Variants in RBM6 observed in about 807,000 individuals in gnomAD.
The protein encoded by RBM6 is RNA binding motif protein 6, also known as RNA-binding protein 6.
Under a neutral mutation model 140.4 loss-of-function variants are expected in RBM6, and 23 were observed. The ratio of observed to expected loss-of-function variants is 0.16; its 90% CI spans 0.12 to 0.23. The LOEUF (loss-of-function observed/expected upper bound fraction) is 0.23, where lower values mean the gene tolerates loss of function less well. RBM6 is among the 10% of genes least tolerant of loss of function. The pLI, the probability that RBM6 is intolerant of heterozygous loss-of-function variation, is 1.00. For missense variants in RBM6, 1,139 were observed against 1,386.7 expected (o/e 0.82, Z 2.84); for synonymous variants, 439 against 475.6 (o/e 0.92, Z 1.00).
chr3:49,942,358 G>A (rs2083321997), intron 1 of RBM6, among the ~76,000 whole-genome samples: 1 of 151,460 alleles, frequency 6.6e-6, no homozygotes, highest in Admixed American at 6.6e-5. Flanking sequence ...GCGTGGTGGT[G>A]GGCGCCTGTA....
At chr3:49,982,476 G>A (rs1201118525) in intron 5 of RBM6, among the ~76,000 whole-genome samples, 3 of 151,700 alleles carry the variant, frequency 2.0e-5, no homozygotes, top group Non-Finnish European at 4.4e-5. Flanking sequence ...GTGCAGTGAC[G>A]TGATCTCAGC....
intron 6 of RBM6, among the ~76,000 whole-genome samples, chr3:50,027,342 T>A (rs2087899148): frequency 6.6e-6 from 1 of 152,178 alleles, no homozygotes; most frequent in Non-Finnish European, 1.5e-5. Context: ...GTAATTGAGG[T>A]ATAATCCACA....
At chr3:49,964,827 T>C (rs1015134858) in intron 2 of RBM6, among the ~76,000 whole-genome samples, 4 of 152,228 alleles carry the variant, frequency 2.6e-5, no homozygotes, top group Non-Finnish European at 4.4e-5. Context: ...GTCTAACTTT[T>C]TTCAAATTTA....
chr3:50,010,796 G>A (rs1459086251), intron 6 of RBM6, among the ~76,000 whole-genome samples: 1 of 150,446 alleles, frequency 6.6e-6, no homozygotes, highest in African/African-American at 2.4e-5. Flanking sequence ...CCAGCTACTC[G>A]GGAGGCTGAG....
intron 6 of RBM6, among the ~76,000 whole-genome samples, chr3:50,020,933 A>G (rs1318195548): frequency 6.6e-6 from 1 of 152,204 alleles, no homozygotes; most frequent in Non-Finnish European, 1.5e-5. Context: ...GAATATTTTT[A>G]AATTCCTCTT....
intron 19 of RBM6, among the ~76,000 whole-genome samples, chr3:50,072,101 A>AG (rs1468431543): frequency 4.8e-5 from 7 of 145,400 alleles, no homozygotes; most frequent in African/African-American, 1.8e-4. Flanking sequence ...AAAAAAAAAA[A>AG]AAAAGAAAAG....
intron 6 of RBM6, among the ~76,000 whole-genome samples, chr3:50,018,617 G>A (rs1174833744): frequency 1.7e-5 from 2 of 116,192 alleles, no homozygotes; most frequent in Non-Finnish European, 3.4e-5. Context: ...TTTTTGACAC[G>A]GAGCCTTGCT....
intron 1 of RBM6, chr3:49,940,503 T>A (rs1019009538): frequency 7.7e-5 from 12 of 155,230 alleles, no homozygotes; most frequent in Admixed American, 3.9e-4. Flanking sequence ...GCTGTGAGGC[T>A]GGGGCCGGCG....
At chr3:50,059,405 T>C (rs1353590232) in intron 10 of RBM6, 1 of 305,900 alleles carries the variant, frequency 3.3e-6, no homozygotes, top group Non-Finnish European at 6.0e-6. Context: ...GAAGAGGATT[T>C]GAATTTCTGA....
In RBM6 at chr3:49,984,629, TCGC is replaced by T. The variant is rs1238234036; in HGVS notation, c.1483+9238_1483+9240del. On this transcript the variant is annotated intron_variant, in intron 5 of 20. Transcript: ENST00000266022. ...TCACATCACATCGCATCGCATCGCA[TCGC>T]ATCGCATCGCATCGCATCGCATCGC... Among the ~76,000 whole-genome samples the T allele has an allele frequency of 9.4e-3, 441 of 46,686 alleles. 4 individuals are homozygous for T. The highest frequency in any genetic ancestry group is 8.0e-4 in the Non-Finnish European group (13 of 16,194). The allele number at this position is 46,686 out of a possible 152,430, so 30.6% of individuals were successfully genotyped here.
In RBM6 at chr3:49,985,066, CTT is replaced by C. The variant is rs558764462; in HGVS notation, c.1483+9677_1483+9678del. ...TGGCTTCTATAGTCCTCACTTACCT[CTT>C]TTGCCAAATGCTCAGGTAGCCTTGG... On this transcript the variant is annotated intron_variant, in intron 5 of 20. Transcript: ENST00000266022. 1.0e-3 allele frequency among the ~76,000 whole-genome samples: 154 copies of C among 152,286 alleles called. No individual in the cohort carries two copies. The Middle Eastern group carries it at 0.014, about 13-fold the overall frequency.
intron 6 of RBM6, among the ~76,000 whole-genome samples, chr3:50,030,879 G>A (rs1283974494): frequency 6.6e-6 from 1 of 152,094 alleles, no homozygotes; most frequent in Non-Finnish European, 1.5e-5. Flanking sequence ...CCTGGACATA[G>A]TGAGTAGAAG....
intron 6 of RBM6, among the ~76,000 whole-genome samples, chr3:50,031,490 C>T (rs1320816185): frequency 5.3e-5 from 8 of 151,558 alleles, no homozygotes; most frequent in East Asian, 1.9e-4. Flanking sequence ...GGCAGAAAAC[C>T]GGACACCACA....
chr3:50,046,474 G>A (rs1411079310), intron 6 of RBM6, among the ~76,000 whole-genome samples: 4 of 151,586 alleles, frequency 2.6e-5, no homozygotes, highest in African/African-American at 7.3e-5. Context: ...AGCTACTCGG[G>A]AGGCTGAGGC....
At chr3:49,974,270 A>T (rs916274223) in intron 4 of RBM6, among the ~76,000 whole-genome samples, 1 of 151,936 alleles carries the variant, frequency 6.6e-6, no homozygotes, top group Admixed American at 6.6e-5. Context: ...TCCAGACTGG[A>T]GTGCAATGGC....
intron 3 of RBM6, among the ~76,000 whole-genome samples, chr3:49,969,600 A>G (rs1448426535): frequency 1.3e-5 from 2 of 148,914 alleles, no homozygotes; most frequent in Non-Finnish European, 3.0e-5. Context: ...TGAAGGAACT[A>G]TATATATATA....
intron 6 of RBM6, among the ~76,000 whole-genome samples, chr3:50,027,561 C>T (rs1575737071): frequency 6.6e-6 from 1 of 152,170 alleles, no homozygotes; most frequent in African/African-American, 2.4e-5. Flanking sequence ...GATTTGCCTG[C>T]TCTGGATATT....
intron 18 of RBM6, 109 bp downstream of exon 18, chr3:50,068,873 C>T: frequency 1.0e-6 from 1 of 982,488 alleles, no homozygotes; most frequent in South Asian, 1.6e-5. Context: ...AGAACAAAAG[C>T]AGCCTCAAAA....
At chr3:50,008,793 C>T (rs1225483368) in intron 6 of RBM6, among the ~76,000 whole-genome samples, 1 of 152,100 alleles carries the variant, frequency 6.6e-6, no homozygotes. Flanking sequence ...TCAGGTGATC[C>T]ACCCACCTTG....
Sources: gnomAD v4.1 joint callset for allele counts (sites outside exome capture counted in the v4.1 genomes callset) on GRCh38, gnomAD v4.1.1 for gene constraint, MANE v1.5 for transcripts, NCBI Gene and HGNC (gene_info 2026-07-23, HGNC 2026-07-21) for gene names.